The following SIPA1L1 variants were observed in gnomAD, a reference collection of about 807,000 sequenced individuals.
SIPA1L1 encodes the protein signal induced proliferation associated 1 like 1, also known as signal-induced proliferation-associated 1-like protein 1.
SIPA1L1 carries 26 observed loss-of-function variants against 162.7 expected under a neutral mutation model. The ratio of observed to expected loss-of-function variants is 0.16; its 90% confidence interval spans 0.12 to 0.22. The LOEUF (loss-of-function observed/expected upper bound fraction) is 0.22, where lower values mean the gene tolerates loss of function less well. Ranked by LOEUF, SIPA1L1 falls within the 10% of genes least tolerant of loss-of-function variation. SIPA1L1 has a pLI of 1.00. For missense variants in SIPA1L1, 1,874 were observed against 2,241.0 expected, an observed-to-expected ratio of 0.84 and a Z score of 3.31; for synonymous variants, 829 against 837.4, an observed-to-expected ratio of 0.99 and a Z score of 0.17.
chr14:71,565,274 T>C (rs1373481207), intron 4 of SIPA1L1, among the ~76,000 whole-genome samples: 1 of 152,166 alleles, frequency 6.6e-6, no homozygotes, highest in African/African-American at 2.4e-5. Flanking sequence ...GGGTCAGGTG[T>C]TGTTTTTGTT....
intron 5 of SIPA1L1, among the ~76,000 whole-genome samples, chr14:71,605,141 CT>C (rs1462016804): frequency 6.6e-6 from 1 of 151,730 alleles, no homozygotes; most frequent in African/African-American, 2.4e-5. Flanking sequence ...TACTGAGGTT[CT>C]TTTTTTTCTG....
In SIPA1L1 at chr14:71,621,504, G is replaced by A. The variant is rs572079610; in HGVS notation, c.1630-2544G>A. 2.7e-3 allele frequency among the ~76,000 whole-genome samples: 406 copies of A among 152,254 alleles called. 4 individuals are homozygous for A. The highest frequency in any genetic ancestry group is 6.8e-3 in the Middle Eastern group (2 of 294). On this transcript the variant is annotated intron_variant, in intron 6 of 23. Coordinates refer to ENST00000381232, the MANE Select transcript of SIPA1L1 (RefSeq NM_001386936.1). Reference sequence around the variant, plus strand: ...CCACTGCTGTGTTCTGCATCAGGCTGCCTCATCTCCATTTGGCCTTTACTC... The same window carrying A: ...CCACTGCTGTGTTCTGCATCAGGCTACCTCATCTCCATTTGGCCTTTACTC...
chr14:71,584,279 C>T (rs1308745577), intron 4 of SIPA1L1, among the ~76,000 whole-genome samples: 1 of 152,142 alleles, frequency 6.6e-6, no homozygotes, highest in East Asian at 1.9e-4. Context: ...GCCAGAATGA[C>T]AAGGGATTTT....
intron 4 of SIPA1L1, among the ~76,000 whole-genome samples, chr14:71,577,069 C>CAAA (rs747771194): frequency 7.2e-5 from 8 of 111,534 alleles, no homozygotes; most frequent in East Asian, 3.0e-4. Context: ...GGTGACAGAG[C>CAAA]AAAAAAAAAA....
intron 2 of SIPA1L1, among the ~76,000 whole-genome samples, chr14:71,409,648 G>C (rs188260465): frequency 9.8e-5 from 15 of 152,288 alleles, no homozygotes; most frequent in African/African-American, 3.6e-4. Flanking sequence ...TATAACATCA[G>C]TGTTAATTTC....
At chr14:71,723,071 T>C (rs926095071) in intron 17 of SIPA1L1, among the ~76,000 whole-genome samples, 5 of 152,354 alleles carry the variant, frequency 3.3e-5, no homozygotes, top group African/African-American at 1.2e-4. Context: ...TTGCCCTAGT[T>C]TTGTAATCTT....
chr14:71,739,662 A>C lies in SIPA1L1; in HGVS notation c.*501A>C, dbSNP rs2085626606. On this transcript the variant is annotated 3_prime_UTR_variant, in exon 24 of 24. Transcript: ENST00000381232. ...TCTTCCCTAAAATGCCTGGAGAGGGAGTTGCTTTGAGAAAATGCCTACCTC... is the reference window on the plus strand; with the variant it reads ...TCTTCCCTAAAATGCCTGGAGAGGGCGTTGCTTTGAGAAAATGCCTACCTC... 1 of 152,360 alleles carries C rather than the reference A, an allele frequency of 6.6e-6. No homozygotes were observed. Among genetic ancestry groups the C allele is most frequent in the Non-Finnish European group, 1.5e-5 (1 of 68,108 alleles). 9.4% of individuals were successfully genotyped at this position (152,360 alleles called of 1,614,324 possible).
At chr14:71,708,015 G>GTTTTTTTTTTTTTTTTTT (rs34838057) in intron 16 of SIPA1L1, among the ~76,000 whole-genome samples, 2 of 100,296 alleles carry the variant, frequency 2.0e-5, no homozygotes, top group African/African-American at 3.9e-5. Flanking sequence ...GTTTTTTGGT[G>GTTTTTTTTTTTTTTTTTT]TTTTTTTTTT....
At chr14:71,578,947 G>T (rs1266661801) in intron 4 of SIPA1L1, among the ~76,000 whole-genome samples, 1 of 152,184 alleles carries the variant, frequency 6.6e-6, no homozygotes. Context: ...CATGAAGTTT[G>T]TCAGAGAGAG....
At chr14:71,433,521 T>TA (rs2044156528) in intron 2 of SIPA1L1, among the ~76,000 whole-genome samples, 1 of 152,158 alleles carries the variant, frequency 6.6e-6, no homozygotes, top group Admixed American at 6.5e-5. Context: ...TTCACCATGT[T>TA]ACCTCGGCTG....
intron 2 of SIPA1L1, among the ~76,000 whole-genome samples, chr14:71,360,321 G>A (rs1478275734): frequency 6.6e-6 from 1 of 152,184 alleles, no homozygotes; most frequent in Non-Finnish European, 1.5e-5. Context: ...GATAGATAAT[G>A]TCTTAGGAAG....
chr14:71,331,311 T>G (rs1488294925), intron 2 of SIPA1L1, among the ~76,000 whole-genome samples: 1 of 152,234 alleles, frequency 6.6e-6, no homozygotes, highest in African/African-American at 2.4e-5. Context: ...TGTTCTGAAA[T>G]CGGGAAGTAT....
chr14:71,345,924 A>AT (rs1359993944), intron 2 of SIPA1L1, among the ~76,000 whole-genome samples: 5 of 140,072 alleles, frequency 3.6e-5, no homozygotes, highest in African/African-American at 1.3e-4. Flanking sequence ...TATTATTATT[A>AT]TTTTTTGAGA....
intron 16 of SIPA1L1, among the ~76,000 whole-genome samples, chr14:71,707,322 TG>T (rs1288129985): frequency 5.3e-5 from 8 of 152,240 alleles, no homozygotes; most frequent in Admixed American, 4.6e-4. Flanking sequence ...GAGTTCTATA[TG>T]TTTTTTAAAT....
At chr14:71,573,928 T>G (rs2032558540) in intron 4 of SIPA1L1, 1 of 325,208 alleles carries the variant, frequency 3.1e-6, no homozygotes, top group Non-Finnish European at 6.0e-6. Context: ...TTTTCTTAGT[T>G]CAACATATTC....
rs201797447 is a variant in SIPA1L1 at position 71,494,523 on chromosome 14, C to CT, written c.-464-18203dup. 6.7e-3 allele frequency among the ~76,000 whole-genome samples: 848 copies of CT among 126,674 alleles called. 4 individuals carry two copies. The highest frequency in any genetic ancestry group is 6.7e-3 in the Non-Finnish European group (389 of 58,262). 83.1% of individuals were successfully genotyped at this position (126,674 alleles called of 152,430 possible). A position where few individuals can be genotyped will look rare whatever the true frequency, so the allele number is the denominator to read the frequency against. On this transcript the variant is annotated intron_variant, in intron 2 of 23. Transcript: ENST00000381232. ...TCTAATTGAGATTTTCTTTTCTTTTCTTTTTTTTTTTTTTTTTGAGACAGG... is the reference window on the plus strand; with the variant it reads ...TCTAATTGAGATTTTCTTTTCTTTTCTTTTTTTTTTTTTTTTTTGAGACAGG...
rs914237106 is a variant in SIPA1L1, at chr14:71,457,369, G to A, written c.-464-55374G>A. The stretch of plus-strand genomic sequence containing the variant: ...GGCTGGAGTGCAGTGGCATGATATC[G>A]GCTCACTGCAACCTCCGCCTCCCGG... On this transcript the variant is annotated intron_variant, in intron 2 of 23. Transcript: ENST00000381232. Among the ~76,000 whole-genome samples, 43 of 150,574 alleles carry A rather than the reference G, an allele frequency of 2.9e-4. 1 individual carries two copies. Among genetic ancestry groups the A allele is most frequent in the Non-Finnish European group, 4.3e-4 (29 of 67,800 alleles).
At chr14:71,514,164 CT>C (rs1193838052) in intron 3 of SIPA1L1, among the ~76,000 whole-genome samples, 16 of 152,284 alleles carry the variant, frequency 1.1e-4, no homozygotes, top group Middle Eastern at 3.4e-3. Flanking sequence ...TGCAAAGATA[CT>C]GAGGGTGACT....
chr14:71,502,711 C>T (rs1411103632), intron 2 of SIPA1L1, among the ~76,000 whole-genome samples: 3 of 152,060 alleles, frequency 2.0e-5, no homozygotes, highest in African/African-American at 4.8e-5. Flanking sequence ...TATTTTTCAC[C>T]TACATTAGTG....
Sources: allele counts gnomAD v4.1 joint callset (sites outside exome capture counted in the v4.1 genomes callset), GRCh38; gene constraint gnomAD v4.1.1; transcripts MANE v1.5; gene names NCBI Gene and HGNC (gene_info 2026-07-23, HGNC 2026-07-21).